The following NHSL1 variants were observed in gnomAD, a reference collection of about 807,000 sequenced individuals.
The protein encoded by NHSL1 is NHS-like protein 1.
NHSL1 carries 48 observed loss-of-function variants against 95.0 expected under a neutral mutation model. The ratio of observed to expected loss-of-function variants is 0.51; its 90% CI spans 0.40 to 0.64. The LOEUF (loss-of-function observed/expected upper bound fraction) is 0.64. NHSL1 is among the 30% of genes least tolerant of loss of function. NHSL1 has a pLI of 0.00. For missense variants in NHSL1, 1,971 were observed against 2,077.7 expected (o/e 0.95, Z 1.00); for synonymous variants, 783 against 833.9 (o/e 0.94, Z 1.05).
At position 138,432,893 on chromosome 6, in the gene NHSL1, G is replaced by A; in HGVS notation, c.1452C>T (p.Asp484=). The A allele has an allele frequency of 6.4e-7, 1 of 1,551,680 alleles. No homozygotes were observed. Among genetic ancestry groups the A allele is most frequent in the Non-Finnish European group, 8.7e-7 (1 of 1,146,960 alleles). ...GHATILSQDL[D]PHSPGEPALL... ...GTGCGGGTTCACCAGGGGAATGAGG[G>A]TCTAAGTCCTGTGAAAGAATGGTGG... Residue 484 remains aspartate (D), a synonymous_variant, in exon 6 of 8, where the codon GAC becomes GAT. Coordinates refer to ENST00000343505, the MANE Select transcript of NHSL1 (RefSeq NM_001144060.2). The surrounding 1 kb of genome is among the most constrained non-coding windows in gnomAD (Gnocchi z 4.4).
chr6:138,595,649 C>A (rs1244912623), intron 1 of NHSL1, among the ~76,000 whole-genome samples: 1 of 152,130 alleles, frequency 6.6e-6, no homozygotes, highest in African/African-American at 2.4e-5. Context: ...ATAGGGTAAC[C>A]TGGAATCAAT....
intron 1 of NHSL1, among the ~76,000 whole-genome samples, chr6:138,651,457 C>T (rs951228114): frequency 5.3e-5 from 8 of 152,196 alleles, no homozygotes; most frequent in African/African-American, 1.2e-4. Context: ...TTATGACACA[C>T]GTTAACAAAA....
chr6:138,506,591 T>A (rs1362035502), intron 1 of NHSL1, among the ~76,000 whole-genome samples: 2 of 152,206 alleles, frequency 1.3e-5, no homozygotes, highest in African/African-American at 2.4e-5. Context: ...ATATAATTCA[T>A]TGTTTCTCTG....
chr6:138,641,058 A>C lies in NHSL1; in HGVS notation c.96+51418T>G, dbSNP rs534559568. Among the ~76,000 whole-genome samples, 7 of 152,374 alleles carry C rather than the reference A, an allele frequency of 4.6e-5. No individual in the cohort carries two copies. In the South Asian group the frequency reaches 1.4e-3, roughly 32 times the overall value. Reference sequence around the variant, plus strand: ...CCCCAAAGCCAATCTCAGCTGATGAAGATTCTTGCCCCCCTTAGTTGAGGC... The same window carrying C: ...CCCCAAAGCCAATCTCAGCTGATGACGATTCTTGCCCCCCTTAGTTGAGGC... On this transcript the variant is annotated intron_variant, in intron 1 of 3. Transcript: ENST00000491526.
intron 3 of NHSL1, among the ~76,000 whole-genome samples, chr6:138,452,869 G>T (rs1328430459): frequency 2.6e-5 from 4 of 151,848 alleles, no homozygotes. Flanking sequence ...TGGGGGTAGT[G>T]GAAATGAATC....
intron 1 of NHSL1, among the ~76,000 whole-genome samples, chr6:138,536,600 A>ACCTTTTTTTTT (rs1562356172): frequency 9.9e-6 from 1 of 100,512 alleles, no homozygotes; most frequent in Non-Finnish European, 2.0e-5. Context: ...GACATATGTC[A>ACCTTTTTTTTT]TCTTTTTTTT....
At chr6:138,496,139 G>A in intron 2 of NHSL1, 80 bp downstream of exon 2, 1 of 1,411,856 alleles carries the variant, frequency 7.1e-7, no homozygotes, top group African/African-American at 1.4e-5. Flanking sequence ...AGTAGAGCTG[G>A]TTTTATAAAT....
At chr6:138,627,495 A>T (rs536498620) in intron 1 of NHSL1, among the ~76,000 whole-genome samples, 1 of 152,368 alleles carries the variant, frequency 6.6e-6, no homozygotes, top group South Asian at 2.1e-4. Flanking sequence ...CACATCATAC[A>T]TTTGGTATAT....
intron 1 of NHSL1, among the ~76,000 whole-genome samples, chr6:138,510,453 G>C (rs973125052): frequency 6.6e-5 from 10 of 152,212 alleles, no homozygotes; most frequent in Non-Finnish European, 1.0e-4. Flanking sequence ...TATTTGATTA[G>C]TGTTGGATCT....
intron 3 of NHSL1, among the ~76,000 whole-genome samples, chr6:138,456,015 C>G (rs1777589757): frequency 6.6e-6 from 1 of 152,204 alleles, no homozygotes; most frequent in South Asian, 2.1e-4. Flanking sequence ...ATCTGAGCAT[C>G]TAGTCTGTGC....
chr6:138,508,630 A>G (rs998361771), intron 1 of NHSL1, among the ~76,000 whole-genome samples: 8 of 152,014 alleles, frequency 5.3e-5, no homozygotes, highest in Admixed American at 5.2e-4. Flanking sequence ...CACTGTCCAC[A>G]CTCTTTCCAC....
intron 1 of NHSL1, among the ~76,000 whole-genome samples, chr6:138,588,265 C>A (rs1784170936): frequency 6.6e-6 from 1 of 152,168 alleles, no homozygotes; most frequent in Admixed American, 6.5e-5. Context: ...GAGTTCAAGA[C>A]CAGCCTGGGC....
chr6:138,469,355 T>C (rs1778603002), intron 3 of NHSL1, among the ~76,000 whole-genome samples: 1 of 152,332 alleles, frequency 6.6e-6, no homozygotes, highest in South Asian at 2.1e-4. Context: ...ATAAGGCTTA[T>C]GCGTTTAATT....
At chr6:138,435,026 C>T (rs2128205549) in intron 5 of NHSL1, among the ~76,000 whole-genome samples, 1 of 152,180 alleles carries the variant, frequency 6.6e-6, no homozygotes, top group African/African-American at 2.4e-5. Flanking sequence ...CTCTCTCTAC[C>T]CTCTTTCAAG....
At chr6:138,596,312 C>T (rs1350213107) in intron 1 of NHSL1, among the ~76,000 whole-genome samples, 1 of 152,186 alleles carries the variant, frequency 6.6e-6, no homozygotes, top group African/African-American at 2.4e-5. Flanking sequence ...AGCACTGACG[C>T]TACTTGGCAG....
chr6:138,606,331 T>C (rs963211723), intron 1 of NHSL1, among the ~76,000 whole-genome samples: 3 of 152,226 alleles, frequency 2.0e-5, no homozygotes, highest in African/African-American at 7.2e-5. Context: ...TCATCAACTA[T>C]CATCACAACA....
intron 1 of NHSL1, among the ~76,000 whole-genome samples, chr6:138,589,002 G>T (rs1784184337): frequency 6.6e-6 from 1 of 152,150 alleles, no homozygotes; most frequent in Non-Finnish European, 1.5e-5. Flanking sequence ...TGGCAGAACA[G>T]AACAACCCAT....
intron 3 of NHSL1, among the ~76,000 whole-genome samples, chr6:138,451,325 T>C (rs1428116759): frequency 1.3e-5 from 2 of 152,216 alleles, no homozygotes; most frequent in African/African-American, 4.8e-5. Flanking sequence ...CCCCTTCTTT[T>C]TCTTTAGGTC....
chr6:138,437,453 A>G, intron 5 of NHSL1, among the ~76,000 whole-genome samples: 1 of 139,120 alleles, frequency 7.2e-6, no homozygotes, highest in African/African-American at 2.9e-5. Context: ...CACAAAAAAA[A>G]AAAAAAAAAA....
Sources: allele counts gnomAD v4.1 joint callset (sites outside exome capture counted in the v4.1 genomes callset), GRCh38; gene constraint gnomAD v4.1.1; non-coding constraint Gnocchi (gnomAD v3.1); transcripts MANE v1.5; gene names NCBI Gene and HGNC (gene_info 2026-07-23, HGNC 2026-07-21).